The following DZIP1L variants were observed in gnomAD, a reference collection of about 807,000 sequenced individuals.
DZIP1L encodes the protein DAZ interacting zinc finger protein 1 like.
DZIP1L carries 90 observed loss-of-function variants against 88.7 expected under a neutral mutation model. The ratio of observed to expected loss-of-function variants is 1.02; its 90% confidence interval spans 0.86 to 1.21. The LOEUF (loss-of-function observed/expected upper bound fraction) is 1.21, where lower values mean the gene tolerates loss of function less well. Ranked by LOEUF, DZIP1L falls within the 50% of genes most tolerant of loss-of-function variation. DZIP1L has a pLI of 0.00. For missense variants in DZIP1L, 932 were observed against 955.8 expected (o/e 0.98, Z 0.33); for synonymous variants, 363 against 372.1 (o/e 0.98, Z 0.28).
intron 12 of DZIP1L, among the ~76,000 whole-genome samples, chr3:138,069,365 T>C (rs1311982418): frequency 6.6e-6 from 1 of 152,244 alleles, no homozygotes; most frequent in Non-Finnish European, 1.5e-5. Flanking sequence ...CGGTAAGACT[T>C]CTGGTCAACA....
chr3:138,107,085 C>T (rs1275145703), intron 1 of DZIP1L, among the ~76,000 whole-genome samples: 1 of 152,138 alleles, frequency 6.6e-6, no homozygotes, highest in Non-Finnish European at 1.5e-5. Context: ...GATACAAACT[C>T]CTAATACAAA....
At chr3:138,083,052 A>G (rs1943737050) in intron 8 of DZIP1L, among the ~76,000 whole-genome samples, 1 of 152,244 alleles carries the variant, frequency 6.6e-6, no homozygotes, top group Non-Finnish European at 1.5e-5. Context: ...GAAAATAAAA[A>G]TAATAGCCCC....
intron 11 of DZIP1L, among the ~76,000 whole-genome samples, chr3:138,072,091 A>T (rs1160138771): frequency 3.3e-5 from 5 of 152,210 alleles, no homozygotes; most frequent in Non-Finnish European, 2.9e-5. Flanking sequence ...ACTGCGTCAC[A>T]ATTCTGACCA....
At chr3:138,079,416 C>T (rs1478126725) in intron 10 of DZIP1L, among the ~76,000 whole-genome samples, 1 of 152,192 alleles carries the variant, frequency 6.6e-6, no homozygotes, top group Non-Finnish European at 1.5e-5. Context: ...GTTCATCCAT[C>T]TAAGGGAAGA....
At chr3:138,106,529 G>A (rs910317741) in intron 1 of DZIP1L, among the ~76,000 whole-genome samples, 4 of 151,168 alleles carry the variant, frequency 2.6e-5, no homozygotes, top group Non-Finnish European at 5.9e-5. Flanking sequence ...AAGGAAGAAG[G>A]CCTTTAAAAA....
chr3:138,087,311 T>C (rs1943988818), intron 6 of DZIP1L, among the ~76,000 whole-genome samples: 1 of 152,140 alleles, frequency 6.6e-6, no homozygotes, highest in African/African-American at 2.4e-5. Context: ...GTCAAAGATT[T>C]AACACAAAAA....
At chr3:138,088,866 G>A in intron 5 of DZIP1L, 1 of 991,410 alleles carries the variant, frequency 1.0e-6, no homozygotes, top group African/African-American at 1.7e-5. Context: ...GAGCCTATGG[G>A]AGGGTCTCAC....
At chr3:138,070,606 A>T (rs893939958) in intron 12 of DZIP1L, among the ~76,000 whole-genome samples, 2 of 152,210 alleles carry the variant, frequency 1.3e-5, no homozygotes, top group African/African-American at 4.8e-5. Flanking sequence ...TCTAATTCAC[A>T]TGAGGAAAAA....
intron 7 of DZIP1L, among the ~76,000 whole-genome samples, chr3:138,084,742 G>C (rs577838465): frequency 1.3e-5 from 2 of 152,364 alleles, no homozygotes; most frequent in South Asian, 4.1e-4. Flanking sequence ...ACTCTACTCA[G>C]TGTATCTTAA....
At chr3:138,110,006 C>T (rs1224743055) in intron 1 of DZIP1L, among the ~76,000 whole-genome samples, 1 of 152,078 alleles carries the variant, frequency 6.6e-6, no homozygotes, top group Non-Finnish European at 1.5e-5. Context: ...TTCATAGGTG[C>T]AGCAAAACAC....
chr3:138,082,122 C>T lies in DZIP1L; in HGVS notation c.1204-358G>A, dbSNP rs572719694. Among the ~76,000 whole-genome samples the T allele has an allele frequency of 2.6e-5, 4 of 152,324 alleles. No homozygotes were observed. The South Asian group carries it at 8.3e-4, about 32-fold the overall frequency. On this transcript the variant is annotated intron_variant, in intron 8 of 15. Coordinates refer to ENST00000327532, the MANE Select transcript of DZIP1L (RefSeq NM_173543.3). ...AAACAGCCAGGGCAAGGGAGAGGCT[C>T]CCTCCCACAATGCGGGCGTCTGAGC...
Position 138,062,779 on chromosome 3 carries a change from C to A in DZIP1L, c.*37G>T, listed in dbSNP as rs752129083. The A allele has an allele frequency of 2.5e-6, 4 of 1,609,934 alleles. No homozygotes were observed. The highest frequency in any genetic ancestry group is 3.4e-6 in the Non-Finnish European group (4 of 1,177,854). ...GAAGTGGACCTGAGCTGGCCCCAGCCAGGCTAACCCTCTAGCCAGCTAGCT... is the reference window on the plus strand; with the variant it reads ...GAAGTGGACCTGAGCTGGCCCCAGCAAGGCTAACCCTCTAGCCAGCTAGCT... On this transcript the variant is annotated 3_prime_UTR_variant, in exon 16 of 16. Coordinates refer to ENST00000327532, the MANE Select transcript of DZIP1L (RefSeq NM_173543.3).
rs1944549065 is a variant in DZIP1L at position 138,097,768 on chromosome 3, T to G, written c.581A>C (p.Glu194Ala). 4 of 1,610,938 alleles carry G rather than the reference T, an allele frequency of 2.5e-6. No individual in the cohort carries two copies. Among genetic ancestry groups the G allele is most frequent in the Middle Eastern group, 3.4e-4 (2 of 5,834 alleles). ...GGGCTGCTGTCTGGACTCACCACCT[T>G]CTGCCACGCCTGCATGCCTGCGCTG... ...HIQRRHAGVA[E>A]GGKQKKQEQP... The change falls in exon 3 of 16, where the codon GAA becomes GCA. Residue 194 changes from glutamate to alanine, a missense_variant. Glu to Ala is a moderately radical substitution (Grantham distance 107). Transcript: ENST00000327532.
intron 15 of DZIP1L, chr3:138,064,359 C>T: frequency 7.7e-7 from 1 of 1,292,986 alleles, no homozygotes; most frequent in South Asian, 1.5e-5. Flanking sequence ...CCGAAGCTCT[C>T]CGAGAGGCAG....
rs2042348905 is a variant in DZIP1L, at chr3:138,102,415, A to C, written c.501+1056T>G. Reference sequence around the variant, plus strand: ...TCGAAGTCCTCCACCCAGCCCCTGCATGTTGCCAAGCTCTGCCTTCAGCTT... The same window carrying C: ...TCGAAGTCCTCCACCCAGCCCCTGCCTGTTGCCAAGCTCTGCCTTCAGCTT... On this transcript the variant is annotated intron_variant, in intron 2 of 15. Coordinates refer to ENST00000327532, the MANE Select transcript of DZIP1L (RefSeq NM_173543.3). 9 of 1,399,602 alleles carry C rather than the reference A, an allele frequency of 6.4e-6. 1 individual carries two copies. In the Admixed American group the frequency reaches 1.5e-4, roughly 23 times the overall value. 86.7% of individuals were successfully genotyped at this position (1,399,602 alleles called of 1,614,324 possible).
intron 7 of DZIP1L, among the ~76,000 whole-genome samples, chr3:138,086,042 T>A (rs1213960410): frequency 6.7e-6 from 1 of 149,138 alleles, no homozygotes; most frequent in African/African-American, 2.5e-5. Flanking sequence ...TCACTCATAG[T>A]TGGGAATTGA....
intron 14 of DZIP1L, among the ~76,000 whole-genome samples, 167 bp downstream of exon 14, chr3:138,067,364 T>A (rs143574622): frequency 6.6e-6 from 1 of 152,138 alleles, no homozygotes; most frequent in South Asian, 2.1e-4. Flanking sequence ...CACAAAAAAA[T>A]ATCTGAGGCG....
At chr3:138,085,527 C>T (rs1022725284) in intron 7 of DZIP1L, among the ~76,000 whole-genome samples, 6 of 152,316 alleles carry the variant, frequency 3.9e-5, no homozygotes, top group Admixed American at 6.5e-5. Flanking sequence ...CACTGGCCAT[C>T]AGAGAAATGC....
intron 11 of DZIP1L, among the ~76,000 whole-genome samples, chr3:138,072,350 G>A (rs79844134): frequency 0.021 from 3,248 of 152,258 alleles, 117 homozygotes; most frequent in African/African-American, 0.074. Flanking sequence ...GTCCAGGGAG[G>A]CATCTGAATC....
Sources: gnomAD v4.1 joint callset for allele counts (sites outside exome capture counted in the v4.1 genomes callset) on GRCh38, gnomAD v4.1.1 for gene constraint, MANE v1.5 for transcripts, NCBI Gene and HGNC (gene_info 2026-07-23, HGNC 2026-07-21) for gene names.